PCDHGA1: variants seen among roughly 807,000 people sequenced by gnomAD.
PCDHGA1 encodes protocadherin gamma-A1.
PCDHGA1 carries 32 observed loss-of-function variants against 58.0 expected under a neutral mutation model. The observed-to-expected ratio is 0.55, with a 90% CI of 0.42 to 0.74. The LOEUF is 0.74. Ranked by LOEUF, PCDHGA1 falls within the 30% of genes least tolerant of loss-of-function variation. The pLI, the probability that PCDHGA1 is intolerant of heterozygous loss-of-function variation, is 0.00. For missense variants in PCDHGA1, 1,205 were observed against 1,182.3 expected, an observed-to-expected ratio of 1.02 and a Z score of -0.28; for synonymous variants, 498 against 501.1, an observed-to-expected ratio of 0.99 and a Z score of 0.08.
chr5:141,350,782 C>T (rs1588483338), intron 1 of PCDHGA1: 2 of 1,613,836 alleles, frequency 1.2e-6, no homozygotes, highest in East Asian at 2.2e-5. Flanking sequence ...CCAATCAATA[C>T]TTCTCTCTGT....
At position 141,493,356 on chromosome 5, in the gene PCDHGA1, C is replaced by A. The variant is rs1303319550; in HGVS notation, c.2422-1451C>A. Among the ~76,000 whole-genome samples, 1 of 152,182 alleles carries A rather than the reference C, an allele frequency of 6.6e-6. No individual in the cohort carries two copies. The highest frequency in any genetic ancestry group is 2.4e-5 in the African/African-American group (1 of 41,438). On this transcript the variant is annotated intron_variant, in intron 1 of 3. Transcript: ENST00000517417. This position sits in a 1 kb window ranked among gnomAD's most constrained non-coding sequence, Gnocchi z 4.3. ...ACTCCAGAATGTGTGCTTTTAATTT[C>A]TTGGCACTTGGAACTTTAAAAGCTT...
intron 1 of PCDHGA1, chr5:141,404,765 T>A: frequency 6.2e-7 from 1 of 1,613,120 alleles, no homozygotes; most frequent in Non-Finnish European, 8.5e-7. Context: ...TGCTTGGCTC[T>A]CCTACCGCCT....
At chr5:141,384,839 AGGACCAC>A in intron 1 of PCDHGA1, 1 of 1,613,462 alleles carries the variant, frequency 6.2e-7, no homozygotes, top group East Asian at 2.2e-5. Context: ...GTGGCCGTCC[AGGACCAC>A]GGTCAGCCTC....
rs1443411888 is a variant in PCDHGA1, at chr5:141,374,687, C to T, written c.2421+41582C>T. 3.7e-6 allele frequency: 6 copies of T among 1,609,326 alleles called. No individual in the cohort carries two copies. In the East Asian group the frequency reaches 6.7e-5, roughly 18 times the overall value. ...GCTGGTGCTGGAGGGCACACTGGAC[C>T]GGGAAGGAGAAGCCGTTTACCGCCT... is the stretch of plus-strand genomic sequence containing the variant. On this transcript the variant is annotated intron_variant, in intron 1 of 3. Transcript: ENST00000517417.
intron 1 of PCDHGA1, chr5:141,421,333 G>A (rs1458277535): frequency 2.5e-6 from 4 of 1,613,850 alleles, no homozygotes; most frequent in Admixed American, 1.7e-5. Flanking sequence ...CCGATATTCG[G>A]TGCCAGAAGA....
chr5:141,486,011 T>C lies in PCDHGA1; in HGVS notation c.2422-8796T>C. The C allele has an allele frequency of 6.2e-7, 1 of 1,614,188 alleles. No individual in the cohort carries two copies. Among genetic ancestry groups the C allele is most frequent in the Non-Finnish European group, 8.5e-7 (1 of 1,180,014 alleles). ...GGGTCCCAGTGGTAACGTCACCTTTTATTTCAGTGGTCATACCCCTGATCG... is the reference window on the plus strand; with the variant it reads ...GGGTCCCAGTGGTAACGTCACCTTTCATTTCAGTGGTCATACCCCTGATCG... On this transcript the variant is annotated intron_variant, in intron 1 of 3. Coordinates refer to ENST00000517417, the MANE Select transcript of PCDHGA1 (RefSeq NM_018912.3). This position sits in a 1 kb window ranked among gnomAD's most constrained non-coding sequence, Gnocchi z 5.0.
rs777439869 is a variant in PCDHGA1, at chr5:141,350,958, A to G, written c.2421+17853A>G. 5.6e-6 allele frequency: 9 copies of G among 1,613,978 alleles called. No homozygotes were observed. The highest frequency in any genetic ancestry group is 2.2e-5 in the East Asian group (1 of 44,898). ...ATCTGGATCCGAGTTACGGATGCCA[A>G]TGATAATGCTCCCGTGTTTAGCCAG... On this transcript the variant is annotated intron_variant, in intron 1 of 3. Coordinates refer to ENST00000517417, the MANE Select transcript of PCDHGA1 (RefSeq NM_018912.3).
chr5:141,375,211 T>G, intron 1 of PCDHGA1: 1 of 1,614,010 alleles, frequency 6.2e-7, no homozygotes, highest in Non-Finnish European at 8.5e-7. Flanking sequence ...ATCGAGACTC[T>G]GGCCTGAATG....
intron 1 of PCDHGA1, chr5:141,430,875 T>C: frequency 6.3e-7 from 1 of 1,599,398 alleles, no homozygotes; most frequent in Non-Finnish European, 8.5e-7. Context: ...CCGGAAGAGC[T>C]GGAGAAAGGC....
Position 141,432,911 on chromosome 5 carries a change from C to G in PCDHGA1, c.2422-61896C>G. 5 of 1,614,176 alleles carry G rather than the reference C, an allele frequency of 3.1e-6. No homozygotes were observed. Among genetic ancestry groups the G allele is most frequent in the Non-Finnish European group, 4.2e-6 (5 of 1,180,014 alleles). Reference sequence around the variant, plus strand: ...CTTGCTGCTGGCGCTCAGGCTGCGGCGCTGGCACAAGTCACGCCTGCTGCA... The same window carrying G: ...CTTGCTGCTGGCGCTCAGGCTGCGGGGCTGGCACAAGTCACGCCTGCTGCA... On this transcript the variant is annotated intron_variant, in intron 1 of 3. Transcript: ENST00000517417. This position sits in a 1 kb window ranked among gnomAD's most constrained non-coding sequence, Gnocchi z 6.0.
chr5:141,485,192 A>T lies in PCDHGA1; in HGVS notation c.2422-9615A>T. 1.2e-6 allele frequency: 2 copies of T among 1,613,942 alleles called. No individual in the cohort carries two copies. Among genetic ancestry groups the T allele is most frequent in the African/African-American group, 2.7e-5 (2 of 75,048 alleles). On this transcript the variant is annotated intron_variant, in intron 1 of 3. Transcript: ENST00000517417. The surrounding 1 kb of genome is among the most constrained non-coding windows in gnomAD (Gnocchi z 5.7). ...GGCAGCAATGCTCCGCAAGGTGAGA[A>T]GCTGGACAGAAATCTGGCGGTGGGC... is the stretch of plus-strand genomic sequence containing the variant.
Position 141,489,779 on chromosome 5 carries a change from T to C in PCDHGA1, c.2422-5028T>C, listed in dbSNP as rs1269302289. 1.9e-6 allele frequency: 3 copies of C among 1,614,168 alleles called. No homozygotes were observed. Among genetic ancestry groups the C allele is most frequent in the Non-Finnish European group, 2.5e-6 (3 of 1,179,996 alleles). On this transcript the variant is annotated intron_variant, in intron 1 of 3. Coordinates refer to ENST00000517417, the MANE Select transcript of PCDHGA1 (RefSeq NM_018912.3). The surrounding 1 kb of genome is among the most constrained non-coding windows in gnomAD (Gnocchi z 4.5). ...CTAAGCCCCAACAGCCACTTCTCTC[T>C]GAATGTGAAGACCCTAAAAGATGGG...
At chr5:141,352,967 G>T (rs767244188) in intron 1 of PCDHGA1, among the ~76,000 whole-genome samples, 1 of 152,168 alleles carries the variant, frequency 6.6e-6, no homozygotes, top group Non-Finnish European at 1.5e-5. Context: ...CAGCCTGGGT[G>T]ATGGGAGGGA....
chr5:141,395,022 G>T, intron 1 of PCDHGA1: 1 of 1,614,128 alleles, frequency 6.2e-7, no homozygotes, highest in Non-Finnish European at 8.5e-7. Context: ...AGGCGTGCCT[G>T]CCTCACATTT....
At chr5:141,364,102 A>G in intron 1 of PCDHGA1, 1 of 409,744 alleles carries the variant, frequency 2.4e-6, no homozygotes, top group Non-Finnish European at 4.3e-6. Context: ...TGATGCAGTC[A>G]CTGGTTAGGA....
intron 1 of PCDHGA1, chr5:141,361,166 C>G: frequency 6.2e-7 from 1 of 1,613,940 alleles, no homozygotes; most frequent in South Asian, 1.1e-5. Context: ...AACGATTGTG[C>G]ACCTGAAGTT....
chr5:141,367,493 C>G (rs1262243719), intron 1 of PCDHGA1: 1 of 151,842 alleles, frequency 6.6e-6, no homozygotes, highest in Non-Finnish European at 1.5e-5. Context: ...GCCGAGATCG[C>G]GCCACTGCAC....
rs1452697214 is a variant in PCDHGA1, at chr5:141,476,552, G to A, written c.2422-18255G>A. ...CCAGGAAATGAAATTGGAGATTAGCGAGGCCGTGGCTCCGGGGACGCGCTT... is the reference window on the plus strand; with the variant it reads ...CCAGGAAATGAAATTGGAGATTAGCAAGGCCGTGGCTCCGGGGACGCGCTT... On this transcript the variant is annotated intron_variant, in intron 1 of 3. Transcript: ENST00000517417. The surrounding 1 kb of genome is among the most constrained non-coding windows in gnomAD (Gnocchi z 7.6). 1 of 1,614,210 alleles carries A rather than the reference G, an allele frequency of 6.2e-7. No homozygotes were observed. Among genetic ancestry groups the A allele is most frequent in the Non-Finnish European group, 8.5e-7 (1 of 1,180,032 alleles).
intron 1 of PCDHGA1, chr5:141,346,219 G>A: frequency 2.5e-6 from 4 of 1,614,202 alleles, no homozygotes; most frequent in South Asian, 1.1e-5. Context: ...CAGGCTTCGG[G>A]AGGCGGCTTG....
Sources: gnomAD v4.1 joint callset for allele counts (sites outside exome capture counted in the v4.1 genomes callset) on GRCh38, gnomAD v4.1.1 for gene constraint, Gnocchi (gnomAD v3.1) non-coding constraint, MANE v1.5 for transcripts, NCBI Gene and HGNC (gene_info 2026-07-23, HGNC 2026-07-21) for gene names.